The following UPRT variants were observed in gnomAD, a reference collection of about 807,000 sequenced individuals.
UPRT encodes RP11-311P8.3.
UPRT carries 5 observed loss-of-function variants against 22.6 expected under a neutral mutation model. The observed-to-expected ratio is 0.22, with a 90% CI of 0.12 to 0.47. The LOEUF is 0.47. Ranked by LOEUF, UPRT falls within the 20% of genes least tolerant of loss-of-function variation. UPRT has a pLI of 0.99. For missense variants in UPRT, 181 were observed against 239.9 expected (o/e 0.75, Z 1.62); for synonymous variants, 77 against 87.7 (o/e 0.88, Z 0.68).
chrX:75,193,823 A>T (rs945371974), intron 4 of UPRT, among the ~76,000 whole-genome samples: 1 of 111,272 alleles, frequency 9.0e-6, no homozygotes, highest in Non-Finnish European at 1.9e-5. Context: ...GTTCTTTCTT[A>T]TAATTGCCAT....
chrX:75,272,631 A>T (rs1033673691), upstream of UPRT, among the ~76,000 whole-genome samples: 6 of 108,805 alleles, frequency 5.5e-5, no homozygotes, highest in Non-Finnish European at 1.1e-4. Flanking sequence ...AATAGGGTAC[A>T]GTGTATACTG....
intron 4 of UPRT, among the ~76,000 whole-genome samples, chrX:75,214,956 A>AAC (rs56673150): frequency 0.014 from 1,386 of 99,036 alleles, 38 homozygotes; most frequent in African/African-American, 0.053. Flanking sequence ...AAGTATTCTC[A>AAC]ACACACACAC....
chrX:75,234,950 A>C (rs1219373754), intron 4 of UPRT, among the ~76,000 whole-genome samples: 1 of 111,934 alleles, frequency 8.9e-6, no homozygotes, highest in Non-Finnish European at 1.9e-5. Context: ...GCAGAACTGA[A>C]GGAAATAGAG....
chrX:75,263,374 T>C (rs1408501941), intron 4 of UPRT, among the ~76,000 whole-genome samples: 2 of 111,234 alleles, frequency 1.8e-5, no homozygotes, highest in Non-Finnish European at 3.8e-5. Context: ...TGGTAGGCTA[T>C]TAATTATTGC....
upstream of UPRT, among the ~76,000 whole-genome samples, chrX:75,270,414 C>T (rs187063388): frequency 3.6e-4 from 40 of 111,441 alleles, no homozygotes; most frequent in African/African-American, 1.2e-3. Context: ...GGTATATACC[C>T]AAAGGATTAT....
chrX:75,209,198 C>A (rs929387237), intron 4 of UPRT, among the ~76,000 whole-genome samples: 3 of 110,552 alleles, frequency 2.7e-5, no homozygotes, highest in African/African-American at 9.9e-5. Context: ...GAGTAACTAG[C>A]CCCCATATCT....
intron 4 of UPRT, among the ~76,000 whole-genome samples, chrX:75,185,134 T>A (rs192402595): frequency 1.1e-4 from 12 of 112,067 alleles, no homozygotes; most frequent in Non-Finnish European, 1.5e-4. Flanking sequence ...TTTTGCCCAT[T>A]CAGTATGATA....
chrX:75,214,230 C>T (rs1264640792), intron 4 of UPRT, among the ~76,000 whole-genome samples: 1 of 112,514 alleles, frequency 8.9e-6, no homozygotes, highest in African/African-American at 3.2e-5. Context: ...CTAAATAACA[C>T]ACGAGCCAAA....
intron 4 of UPRT, among the ~76,000 whole-genome samples, chrX:75,244,330 T>G (rs944147144): frequency 2.7e-5 from 3 of 112,110 alleles, no homozygotes. Context: ...ATTGGCTTTT[T>G]GGCATACTGC....
intron 2 of UPRT, among the ~76,000 whole-genome samples, chrX:75,294,381 A>C (rs757859901): frequency 2.2e-4 from 24 of 110,965 alleles, no homozygotes; most frequent in Non-Finnish European, 4.0e-4. Context: ...AATAGTGAAG[A>C]ATGTAGGCAT....
At chrX:75,257,312 C>T (rs1375759108) in intron 4 of UPRT, among the ~76,000 whole-genome samples, 1 of 111,775 alleles carries the variant, frequency 8.9e-6, no homozygotes, top group African/African-American at 3.3e-5. Context: ...TCAACAAAAT[C>T]CAGCCTCCCT....
chrX:75,220,316 T>C (rs1413149565), intron 4 of UPRT, among the ~76,000 whole-genome samples: 4 of 111,511 alleles, frequency 3.6e-5, no homozygotes, highest in African/African-American at 1.3e-4. Flanking sequence ...AATGTGTCTC[T>C]TGTAGGCAAC....
intron 4 of UPRT, among the ~76,000 whole-genome samples, chrX:75,221,699 T>C (rs75130479): frequency 1.8e-5 from 2 of 111,787 alleles, no homozygotes; most frequent in Non-Finnish European, 3.8e-5. Context: ...ATTTATCAGA[T>C]AGGATTCTGA....
intron 4 of UPRT, among the ~76,000 whole-genome samples, chrX:75,207,451 C>T (rs762626873): frequency 4.5e-5 from 5 of 111,131 alleles, no homozygotes; most frequent in Non-Finnish European, 9.4e-5. Flanking sequence ...AAGGAGCTTC[C>T]GAGTTGTTTT....
At chrX:75,218,235 A>G (rs1400604742) in intron 4 of UPRT, among the ~76,000 whole-genome samples, 1 of 111,312 alleles carries the variant, frequency 9.0e-6, no homozygotes, top group African/African-American at 3.3e-5. Flanking sequence ...AAGGACATGA[A>G]CAGACACTTC....
rs150327155 is a variant in UPRT at position 75,260,732 on chromosome X, T to C, written c.-446-30292T>C. On this transcript the variant is annotated intron_variant, in intron 4 of 13. Transcript: ENST00000652605. ...CAACAAAGGTATCCAGGACTTGAAC[T>C]CAGCTCTTCACCAAGAAGACCTAAT... 4.5e-5 allele frequency among the ~76,000 whole-genome samples: 5 copies of C among 111,730 alleles called. No individual in the cohort carries two copies. The East Asian group carries it at 1.4e-3, about 31-fold the overall frequency.
intron 4 of UPRT, among the ~76,000 whole-genome samples, chrX:75,168,478 G>T (rs975627856): frequency 4.5e-5 from 5 of 111,036 alleles, no homozygotes; most frequent in African/African-American, 1.6e-4. Flanking sequence ...TAAAATTTCC[G>T]TAGGTTTTGG....
intron 4 of UPRT, among the ~76,000 whole-genome samples, chrX:75,189,462 A>G (rs947228008): frequency 9.8e-5 from 11 of 111,796 alleles, no homozygotes; most frequent in African/African-American, 3.6e-4. Flanking sequence ...TATTCTGTTG[A>G]TTTGGGGTGG....
intron 4 of UPRT, among the ~76,000 whole-genome samples, chrX:75,245,683 A>G (rs2082502796): frequency 1.8e-5 from 2 of 112,054 alleles, no homozygotes; most frequent in African/African-American, 6.5e-5. Flanking sequence ...TAGCAAACTA[A>G]TACAGGAACA....
Sources: allele counts gnomAD v4.1 joint callset (sites outside exome capture counted in the v4.1 genomes callset), GRCh38; gene constraint gnomAD v4.1.1; transcripts MANE v1.5; gene names NCBI Gene and HGNC (gene_info 2026-07-23, HGNC 2026-07-21).